LMO7: variants seen among roughly 807,000 people sequenced by gnomAD.
LMO7 encodes the protein LIM domain 7, also known as LIM domain only protein 7.
A neutral mutation model predicts 206.5 loss-of-function variants in LMO7; 120 were observed. That is an observed-to-expected ratio of 0.58 (90% confidence interval 0.50 to 0.68). The LOEUF is 0.68. Ranked by LOEUF, LMO7 falls within the 30% of genes least tolerant of loss-of-function variation. The pLI is 0.00. For synonymous variants in LMO7, 706 were observed against 681.5 expected (o/e 1.04, Z -0.56); for missense variants, 1,959 against 1,957.9 (o/e 1.00, Z -0.01).
chr13:75,642,871 C>G (rs1314395610), intron 1 of LMO7, among the ~76,000 whole-genome samples: 1 of 152,158 alleles, frequency 6.6e-6, no homozygotes, highest in East Asian at 1.9e-4. Flanking sequence ...TGATATTAAA[C>G]ATTTATGTAA....
At chr13:75,819,213 C>T in intron 12 of LMO7, 180 bp from the exon 13 acceptor site, 1 of 551,652 alleles carries the variant, frequency 1.8e-6, no homozygotes, top group South Asian at 3.2e-5. Context: ...TTGAGACAGA[C>T]ACATGAGATA....
intron 1 of LMO7, among the ~76,000 whole-genome samples, chr13:75,670,790 A>C (rs2039493076): frequency 6.6e-6 from 1 of 152,148 alleles, no homozygotes; most frequent in African/African-American, 2.4e-5. Context: ...AATTTATAAA[A>C]AATGATTTTT....
intron 18 of LMO7, among the ~76,000 whole-genome samples, chr13:75,836,105 A>T (rs1262097004): frequency 2.0e-5 from 3 of 151,878 alleles, no homozygotes; most frequent in Non-Finnish European, 4.4e-5. Flanking sequence ...TGTACTCATA[A>T]ATATAAGCCA....
intron 15 of LMO7, among the ~76,000 whole-genome samples, chr13:75,826,042 T>C (rs1409559305): frequency 2.0e-5 from 3 of 152,028 alleles, no homozygotes. Context: ...AAAAATTAAT[T>C]AATTAATTGA....
chr13:75,750,899 T>C (rs776179717), intron 3 of LMO7, among the ~76,000 whole-genome samples: 1 of 152,166 alleles, frequency 6.6e-6, no homozygotes, highest in Non-Finnish European at 1.5e-5. Flanking sequence ...TCTCATGAGT[T>C]TGACTGGGGT....
intron 3 of LMO7, among the ~76,000 whole-genome samples, chr13:75,757,174 G>C (rs1483427328): frequency 6.6e-6 from 1 of 152,156 alleles, no homozygotes; most frequent in Admixed American, 6.5e-5. Flanking sequence ...AAGAACCAAG[G>C]CTTCCTGTTA....
At chr13:75,758,617 A>G (rs1354134377) in intron 3 of LMO7, among the ~76,000 whole-genome samples, 1 of 152,216 alleles carries the variant, frequency 6.6e-6, no homozygotes, top group Non-Finnish European at 1.5e-5. Flanking sequence ...TCAACTAAGT[A>G]TAGTCACTTT....
chr13:75,751,844 T>C (rs1475289910), intron 3 of LMO7, among the ~76,000 whole-genome samples: 3 of 152,204 alleles, frequency 2.0e-5, no homozygotes, highest in African/African-American at 7.2e-5. Context: ...GACATTTCTG[T>C]ATTGCTACAT....
intron 5 of LMO7, among the ~76,000 whole-genome samples, chr13:75,795,790 G>A (rs1023838421): frequency 6.6e-6 from 1 of 152,108 alleles, no homozygotes; most frequent in African/African-American, 2.4e-5. Context: ...GACACAGGGA[G>A]GGGAACAACA....
chr13:75,799,357 A>G (rs879655012), intron 6 of LMO7, among the ~76,000 whole-genome samples: 7 of 152,206 alleles, frequency 4.6e-5, no homozygotes, highest in Non-Finnish European at 7.3e-5. Context: ...CAATTATTAC[A>G]ATTTTCCATA....
At chr13:75,677,245 G>A (rs560167798) in intron 1 of LMO7, among the ~76,000 whole-genome samples, 2 of 152,274 alleles carry the variant, frequency 1.3e-5, no homozygotes. Context: ...TGACTAAGTG[G>A]AGTTTTATTT....
At chr13:75,667,801 T>C (rs370067809) in intron 1 of LMO7, among the ~76,000 whole-genome samples, 54 of 152,360 alleles carry the variant, frequency 3.5e-4, no homozygotes, top group African/African-American at 1.2e-3. Context: ...CACTTTCTCC[T>C]GGTTCTTTTA....
intron 3 of LMO7, among the ~76,000 whole-genome samples, chr13:75,744,940 A>G (rs2046716281): frequency 1.3e-5 from 2 of 152,236 alleles, no homozygotes; most frequent in East Asian, 1.9e-4. Flanking sequence ...GCTAGAGGTG[A>G]TGAAATGGCA....
At chr13:75,713,315 G>T (rs942078090) in intron 2 of LMO7, 63 bp downstream of exon 2, 6 of 1,245,452 alleles carry the variant, frequency 4.8e-6, no homozygotes, top group South Asian at 1.4e-5. Context: ...TGTGAGTGAT[G>T]AGGTGTTTGG....
At chr13:75,741,484 A>G (rs1184109745) in intron 3 of LMO7, among the ~76,000 whole-genome samples, 1 of 152,244 alleles carries the variant, frequency 6.6e-6, no homozygotes, top group African/African-American at 2.4e-5. Flanking sequence ...AATCCTCAAC[A>G]AAACACCGGC....
chr13:75,776,199 A>ATATATATATG (rs2050461924), intron 4 of LMO7, among the ~76,000 whole-genome samples: 1 of 107,890 alleles, frequency 9.3e-6, no homozygotes, highest in Non-Finnish European at 1.9e-5. Flanking sequence ...ATATATATAT[A>ATATATATATG]TATATAACGT....
chr13:75,630,603 G>A (rs1261947933), intron 2 of LMO7, among the ~76,000 whole-genome samples: 1 of 152,182 alleles, frequency 6.6e-6, no homozygotes. Context: ...GAGCTCGGGA[G>A]GCTGAGGTTG....
intron 2 of LMO7, among the ~76,000 whole-genome samples, chr13:75,719,167 A>G (rs1594499348): frequency 6.6e-6 from 1 of 151,950 alleles, no homozygotes; most frequent in East Asian, 1.9e-4. Flanking sequence ...TTTAGTAGAG[A>G]CAGGGTTTCA....
chr13:75,746,076 C>T (rs537112587), intron 3 of LMO7, among the ~76,000 whole-genome samples: 16 of 152,184 alleles, frequency 1.1e-4, no homozygotes, highest in South Asian at 1.0e-3. Flanking sequence ...ATTGTTGAGA[C>T]GTAGTCAAAT....
Sources: allele counts gnomAD v4.1 joint callset (sites outside exome capture counted in the v4.1 genomes callset), GRCh38; gene constraint gnomAD v4.1.1; transcripts MANE v1.5; gene names NCBI Gene and HGNC (gene_info 2026-07-23, HGNC 2026-07-21).